TRPM3: variants seen among roughly 807,000 people sequenced by gnomAD.
TRPM3 encodes the protein long transient receptor potential channel 3.
In TRPM3, 77 loss-of-function variants were observed where a neutral mutation model predicts 181.2. That is an observed-to-expected ratio of 0.42 (90% CI 0.35 to 0.51). TRPM3 has a LOEUF of 0.51. Ranked by LOEUF, TRPM3 falls within the 20% of genes least tolerant of loss-of-function variation. The pLI is 0.01. For synonymous variants in TRPM3, 745 were observed against 796.4 expected (o/e 0.94, Z 1.09); for missense variants, 1,759 against 2,196.7 (o/e 0.80, Z 3.98).
intron 22 of TRPM3, among the ~76,000 whole-genome samples, chr9:70,574,869 G>A (rs1382563105): frequency 6.6e-6 from 1 of 151,960 alleles, no homozygotes; most frequent in African/African-American, 2.4e-5. Flanking sequence ...AGAGAGAGAG[G>A]CATGCTATTT....
rs1256142555 is a variant in TRPM3, at chr9:71,096,588, A to ACTCTCTCTCTCTCTCTCTCTCTCT, written c.177+24589_177+24590insAGAGAGAGAGAGAGAGAGAGAGAG. 4.1e-4 allele frequency among the ~76,000 whole-genome samples: 40 copies of ACTCTCTCTCTCTCTCTCTCTCTCT among 96,930 alleles called. 1 individual carries two copies. The highest frequency in any genetic ancestry group is 1.5e-3 in the African/African-American group (33 of 21,606). 63.6% of individuals were successfully genotyped at this position (96,930 alleles called of 152,430 possible). A position where few individuals can be genotyped will look rare whatever the true frequency, so the allele number is the denominator to read the frequency against. On this transcript the variant is annotated intron_variant, in intron 1 of 25. Transcript: ENST00000677713. ...CACACACACACACACACACACACACACACTCTCTCTCTCTCTCTCTCTCTC... is the reference window on the plus strand; with the variant it reads ...CACACACACACACACACACACACACACTCTCTCTCTCTCTCTCTCTCTCTCACTCTCTCTCTCTCTCTCTCTCTC...
intron 9 of TRPM3, among the ~76,000 whole-genome samples, chr9:70,653,066 G>A (rs1589821351): frequency 1.3e-5 from 2 of 152,122 alleles, no homozygotes; most frequent in African/African-American, 2.4e-5. Flanking sequence ...AAGGGAAACC[G>A]TGAAAGTGTA....
At chr9:70,660,853 A>G (rs1052549391) in intron 9 of TRPM3, among the ~76,000 whole-genome samples, 2 of 152,166 alleles carry the variant, frequency 1.3e-5, no homozygotes, top group South Asian at 4.1e-4. Context: ...TCCACCAGAC[A>G]TTCAAAGAAG....
chr9:71,233,759 C>T (rs1309403931), intron 1 of TRPM3, among the ~76,000 whole-genome samples: 1 of 152,126 alleles, frequency 6.6e-6, no homozygotes, highest in Non-Finnish European at 1.5e-5. Flanking sequence ...ATTTTCAAAG[C>T]CCCAATAGCC....
At chr9:70,959,216 C>T (rs1244896898) in intron 1 of TRPM3, among the ~76,000 whole-genome samples, 1 of 151,734 alleles carries the variant, frequency 6.6e-6, no homozygotes, top group Non-Finnish European at 1.5e-5. Flanking sequence ...TAAATATTTG[C>T]TTGTGTATAT....
chr9:70,915,224 C>A (rs960853666), intron 1 of TRPM3, among the ~76,000 whole-genome samples: 5 of 152,094 alleles, frequency 3.3e-5, no homozygotes, highest in African/African-American at 1.2e-4. Context: ...AGAATTCTAT[C>A]AAATTTAACA....
intron 1 of TRPM3, among the ~76,000 whole-genome samples, chr9:71,063,550 G>A (rs1489900637): frequency 6.6e-6 from 1 of 152,090 alleles, no homozygotes; most frequent in Non-Finnish European, 1.5e-5. Context: ...CTTCATGGGA[G>A]GAATCTATAC....
intron 10 of TRPM3, 104 bp downstream of exon 10, chr9:70,640,456 T>TA: frequency 1.2e-6 from 1 of 849,006 alleles, no homozygotes; most frequent in Non-Finnish European, 1.9e-6. Context: ...CATTCCATCT[T>TA]AAAGAAAAAG....
In TRPM3 at chr9:71,270,829, C is replaced by G. The variant is rs78600503; in HGVS notation, c.183+175824G>C. ...GCTGCTCTGCCTTGTTCCTTCAGAT[C>G]ATTTGTTTTGGGGAAAACCAGTCAA... On this transcript the variant is annotated intron_variant, in intron 1 of 24. Coordinates refer to the TRPM3 transcript ENST00000357533. 1.7e-3 allele frequency among the ~76,000 whole-genome samples: 255 copies of G among 152,242 alleles called. 5 individuals carry two copies. In the East Asian group the frequency reaches 0.043, roughly 26 times the overall value.
intron 1 of TRPM3, among the ~76,000 whole-genome samples, chr9:70,937,552 T>A (rs1438813915): frequency 6.6e-6 from 1 of 152,196 alleles, no homozygotes. Flanking sequence ...GGCAAAATTT[T>A]AAAAAATTAC....
chr9:70,862,912 G>C lies in TRPM3; in HGVS notation c.458C>G (p.Ala153Gly). ...ACTGAATGGCTTTCTGATTACCATG[G>C]CTTTGTTGGAATGGCCACCTCCTTG... Reference protein sequence around the residue: ...EFQGGGHSNKAMYVRVSFDTK... With the variant: ...EFQGGGHSNKGMYVRVSFDTK... Residue 153 changes from alanine (A) to glycine (G), a missense_variant, in exon 3 of 26, where the codon GCC becomes GGC. Physicochemically the swap from Ala to Gly is moderately conservative, Grantham distance 60. Coordinates refer to ENST00000677713, the MANE Select transcript of TRPM3 (RefSeq NM_001366145.2). The C allele has an allele frequency of 1.9e-6, 3 of 1,613,322 alleles. No individual in the cohort carries two copies. Among genetic ancestry groups the C allele is most frequent in the East Asian group, 4.5e-5 (2 of 44,852 alleles).
chr9:71,403,570 T>C (rs914810806), intron 1 of TRPM3, among the ~76,000 whole-genome samples: 7 of 152,196 alleles, frequency 4.6e-5, no homozygotes, highest in African/African-American at 1.7e-4. Context: ...CTATCTCACA[T>C]TTTCGTTGAC....
rs570722606 is a variant in TRPM3, at chr9:71,224,385, G to A, written c.183+222268C>T. Among the ~76,000 whole-genome samples the A allele has an allele frequency of 7.9e-5, 12 of 152,298 alleles. No homozygotes were observed. The South Asian group carries it at 1.7e-3, about 21-fold the overall frequency. On this transcript the variant is annotated intron_variant, in intron 1 of 24. Transcript: ENST00000357533. Reference sequence around the variant, plus strand: ...ATATAGCTAAAGTGACCACTGGATCGCAACACCCAAGTCTCTTTAAATACC... The same window carrying A: ...ATATAGCTAAAGTGACCACTGGATCACAACACCCAAGTCTCTTTAAATACC...
intron 19 of TRPM3, among the ~76,000 whole-genome samples, chr9:70,606,629 TTGTGTGTGTGTGTG>T (rs774974386): frequency 5.7e-5 from 8 of 141,280 alleles, no homozygotes; most frequent in African/African-American, 2.1e-4. Flanking sequence ...CATGCTTTAA[TTGTGTGTGTGTGTG>T]TGTGTGTGTA....
chr9:71,235,251 T>G (rs576017564), intron 1 of TRPM3, among the ~76,000 whole-genome samples: 2 of 152,372 alleles, frequency 1.3e-5, no homozygotes, highest in Non-Finnish European at 2.9e-5. Context: ...AGAGAGGCCT[T>G]CCTTGACCAC....
At chr9:70,831,338 A>G (rs1037584268) in intron 5 of TRPM3, among the ~76,000 whole-genome samples, 10 of 152,044 alleles carry the variant, frequency 6.6e-5, no homozygotes, top group African/African-American at 1.9e-4. Context: ...TTCTGAAAAA[A>G]TTTTGGAAGT....
chr9:71,375,407 A>G (rs1010876643), intron 1 of TRPM3, among the ~76,000 whole-genome samples: 2 of 152,224 alleles, frequency 1.3e-5, no homozygotes, highest in Non-Finnish European at 2.9e-5. Flanking sequence ...GTAAAACTCA[A>G]AACTGTAAAA....
intron 1 of TRPM3, among the ~76,000 whole-genome samples, chr9:70,908,431 A>T (rs1311049458): frequency 1.3e-5 from 2 of 152,246 alleles, no homozygotes; most frequent in Non-Finnish European, 2.9e-5. Context: ...ATATACATAA[A>T]GTTTTGAAAA....
At chr9:70,539,390 C>T (rs532552302) in intron 25 of TRPM3, among the ~76,000 whole-genome samples, 3 of 152,238 alleles carry the variant, frequency 2.0e-5, no homozygotes, top group African/African-American at 7.2e-5. Context: ...TCTCAGGACC[C>T]CCCACCCCGA....
Sources: gnomAD v4.1 joint callset for allele counts (sites outside exome capture counted in the v4.1 genomes callset) on GRCh38, gnomAD v4.1.1 for gene constraint, MANE v1.5 for transcripts, NCBI Gene and HGNC (gene_info 2026-07-23, HGNC 2026-07-21) for gene names.